Variants in RANBP2 observed in about 807,000 individuals in gnomAD.
The protein encoded by RANBP2 is RAN binding protein 2, also known as E3 SUMO-protein ligase RanBP2.
In RANBP2, 57 loss-of-function variants were observed where a neutral mutation model predicts 303.6. The observed-to-expected ratio is 0.19, with a 90% confidence interval of 0.15 to 0.23. RANBP2 has a LOEUF of 0.23. RANBP2 is among the 10% of genes least tolerant of loss of function. RANBP2 has a pLI of 1.00. For missense variants in RANBP2, 3,138 were observed against 3,780.8 expected, an observed-to-expected ratio of 0.83 and a Z score of 4.46; for synonymous variants, 1,167 against 1,301.5, an observed-to-expected ratio of 0.90 and a Z score of 2.23.
the RANBP2 span, chr2:108,876,194 ACT>A: frequency 6.2e-7 from 1 of 1,613,238 alleles, no homozygotes; most frequent in African/African-American, 1.3e-5. Flanking sequence ...TCTAAATTCA[ACT>A]CTGTTCAATC....
chr2:109,437,100 C>G, the RANBP2 span: 1 of 1,613,276 alleles, frequency 6.2e-7, no homozygotes. Flanking sequence ...GTCTACGGCA[C>G]TCAGCCCAGC....
the RANBP2 span, chr2:109,544,599 A>C: frequency 1.0e-6 from 1 of 965,454 alleles, no homozygotes; most frequent in African/African-American, 1.8e-5. Context: ...ATTATCTTTC[A>C]TATAGGGGAA....
chr2:108,911,978 T>TC, the RANBP2 span, among the ~76,000 whole-genome samples: 15 of 152,236 alleles, frequency 9.9e-5, no homozygotes, highest in African/African-American at 3.6e-4. Flanking sequence ...TTTGAGCTAC[T>TC]CCCCCCGGGG....
chr2:108,877,688 A>G, the RANBP2 span, among the ~76,000 whole-genome samples: 2 of 152,200 alleles, frequency 1.3e-5, no homozygotes, highest in Admixed American at 1.3e-4. Flanking sequence ...GAAGAAAAGA[A>G]CAGAACAAGT....
the RANBP2 span, among the ~76,000 whole-genome samples, chr2:109,110,783 G>C: frequency 6.6e-6 from 1 of 152,160 alleles, no homozygotes; most frequent in African/African-American, 2.4e-5. Flanking sequence ...GGATGCAGGT[G>C]AGATCAGGTG....
the RANBP2 span, among the ~76,000 whole-genome samples, chr2:109,767,140 G>T: frequency 2.8e-5 from 4 of 141,666 alleles, no homozygotes; most frequent in Admixed American, 7.6e-5. Flanking sequence ...AGTGTCAATT[G>T]CTCTGAATGC....
At chr2:109,701,784 T>A in the RANBP2 span, among the ~76,000 whole-genome samples, 19 of 152,304 alleles carry the variant, frequency 1.2e-4, no homozygotes, top group Non-Finnish European at 2.6e-4. Context: ...CCAGCTTGAC[T>A]TTTCTCTTGG....
chr2:109,217,692 C>T, the RANBP2 span, among the ~76,000 whole-genome samples: 7 of 152,290 alleles, frequency 4.6e-5, no homozygotes, highest in African/African-American at 7.2e-5. Flanking sequence ...ACCAGATGTC[C>T]GAAGACCTTT....
At chr2:109,454,526 C>T in the RANBP2 span, among the ~76,000 whole-genome samples, 7 of 152,296 alleles carry the variant, frequency 4.6e-5, no homozygotes, top group African/African-American at 9.6e-5. Context: ...AGAGCGCTCC[C>T]GCCGGCTGCC....
At chr2:108,829,772 C>T in the RANBP2 span, among the ~76,000 whole-genome samples, 2 of 152,178 alleles carry the variant, frequency 1.3e-5, no homozygotes, top group East Asian at 3.9e-4. Context: ...TATATACATA[C>T]GTACATACAA....
the RANBP2 span, among the ~76,000 whole-genome samples, chr2:109,651,699 A>G: frequency 6.6e-6 from 1 of 152,196 alleles, no homozygotes; most frequent in Non-Finnish European, 1.5e-5. Flanking sequence ...GACTTAGAAC[A>G]AAATTGGAAG....
At chr2:109,560,748 AC>A in the RANBP2 span, among the ~76,000 whole-genome samples, 2 of 152,094 alleles carry the variant, frequency 1.3e-5, no homozygotes, top group Non-Finnish European at 2.9e-5. Flanking sequence ...CTTCAGCCAT[AC>A]CTATCTAGAT....
the RANBP2 span, among the ~76,000 whole-genome samples, chr2:109,257,953 A>G: frequency 3.0e-4 from 46 of 152,074 alleles, no homozygotes; most frequent in African/African-American, 9.6e-4. Flanking sequence ...TTTTGTGTTC[A>G]CCATTCTAGC....
chr2:108,902,853 C>G, the RANBP2 span, among the ~76,000 whole-genome samples: 1 of 152,184 alleles, frequency 6.6e-6, no homozygotes, highest in Non-Finnish European at 1.5e-5. Flanking sequence ...AGGATTTCTG[C>G]TTCTGCTTCA....
Position 108,783,604 on chromosome 2 carries a change from T to G in RANBP2, c.9378T>G (p.Asp3126Glu). 1 of 1,608,860 alleles carries G rather than the reference T, an allele frequency of 6.2e-7. No homozygotes were observed. Among genetic ancestry groups the G allele is most frequent in the Non-Finnish European group, 8.5e-7 (1 of 1,177,010 alleles). ...VIPDFVCQGG[D>E]ITKHDGTGGQ... ...ATAAATCTTTTTTTCAGGGAGGAGA[T>G]ATCACCAAACATGATGGAACAGGCG... The change falls in exon 29 of 29, where the codon GAT becomes GAG. Residue 3126 changes from aspartate (D) to glutamate (E), a missense_variant. Physicochemically the swap from Asp to Glu is conservative, Grantham distance 45 (BLOSUM62 2). Around this residue, in one of 20 missense-constraint regions of RANBP2, gnomAD observed 204 missense variants for 228.4 expected, o/e 0.89. Transcript: ENST00000283195.
At chr2:109,458,572 CAGAGAGAGAG>C in the RANBP2 span, among the ~76,000 whole-genome samples, 6 of 123,052 alleles carry the variant, frequency 4.9e-5, no homozygotes, top group South Asian at 5.5e-4. Context: ...CAGCAGGAGA[CAGAGAGAGAG>C]AGAGAGAGAG....
the RANBP2 span, among the ~76,000 whole-genome samples, chr2:108,922,261 A>T: frequency 6.6e-6 from 1 of 152,246 alleles, no homozygotes. Context: ...ACCCAGAATG[A>T]TCTGGCCTTG....
the RANBP2 span, among the ~76,000 whole-genome samples, chr2:109,608,655 A>G: frequency 6.6e-6 from 1 of 152,210 alleles, no homozygotes; most frequent in Non-Finnish European, 1.5e-5. Flanking sequence ...CTATTAAATC[A>G]TATTTGTTTT....
chr2:109,449,113 G>A, the RANBP2 span: 2 of 1,558,288 alleles, frequency 1.3e-6, no homozygotes, highest in Non-Finnish European at 8.7e-7. Context: ...TGCCTGGCAG[G>A]CATGGCAAGT....
Sources: allele counts gnomAD v4.1 joint callset (sites outside exome capture counted in the v4.1 genomes callset), GRCh38; gene constraint gnomAD v4.1.1; regional missense constraint gnomAD v4.1.1; transcripts MANE v1.5; gene names NCBI Gene and HGNC (gene_info 2026-07-23, HGNC 2026-07-21).